ZNF362: variants seen among roughly 807,000 people sequenced by gnomAD.
ZNF362 encodes the protein rotund homolog.
In ZNF362, 11 loss-of-function variants were observed where a neutral mutation model predicts 42.9. The observed-to-expected ratio is 0.26, with a 90% CI of 0.16 to 0.42. The LOEUF (loss-of-function observed/expected upper bound fraction) is 0.42, where lower values mean the gene tolerates loss of function less well. Ranked by LOEUF, ZNF362 falls within the 20% of genes least tolerant of loss-of-function variation. ZNF362 has a pLI of 1.00. For missense variants in ZNF362, 362 were observed against 576.2 expected (o/e 0.63, Z 3.81); for synonymous variants, 255 against 257.3 (o/e 0.99, Z 0.09).
the ZNF362 span, among the ~76,000 whole-genome samples, chr1:33,183,457 C>A: frequency 6.6e-6 from 1 of 152,314 alleles, no homozygotes; most frequent in African/African-American, 2.4e-5. Context: ...TGGGCAGAGC[C>A]CTGATTTTGG....
chr1:33,275,954 A>C lies in ZNF362; in HGVS notation c.39-146A>C, dbSNP rs1645941847. 3.9e-6 allele frequency: 3 copies of C among 771,600 alleles called. No homozygotes were observed. In the East Asian group the frequency reaches 7.9e-5, roughly 20 times the overall value. 47.8% of individuals were successfully genotyped at this position (771,600 alleles called of 1,614,324 possible). A position where few individuals can be genotyped will look rare whatever the true frequency, so the allele number is the denominator to read the frequency against. ...AGATGTGGCTTCCTGGCCTGGTGGG[A>C]GGCCTGCTGTGCTGTGAGGCTGGGG... On this transcript the variant is annotated intron_variant, in intron 2 of 8. Transcript: ENST00000539719.
the ZNF362 span, among the ~76,000 whole-genome samples, chr1:33,237,951 T>C: frequency 1.3e-5 from 2 of 152,190 alleles, no homozygotes; most frequent in East Asian, 1.9e-4. Flanking sequence ...TAACACAGGA[T>C]TGATAGTTGT....
intron 4 of ZNF362, among the ~76,000 whole-genome samples, chr1:33,276,805 C>A (rs556733896): frequency 6.6e-6 from 1 of 152,230 alleles, no homozygotes; most frequent in Admixed American, 6.5e-5. Flanking sequence ...GGACCCTTCT[C>A]CCCCCAGTGG....
chr1:33,164,955 A>AT, the ZNF362 span: 267 of 124,838 alleles, frequency 2.1e-3, 1 homozygote, highest in African/African-American at 5.9e-3. Context: ...GCTATATTCA[A>AT]TTTTTTTTTT....
At chr1:33,235,029 G>C in the ZNF362 span, among the ~76,000 whole-genome samples, 3 of 152,198 alleles carry the variant, frequency 2.0e-5, no homozygotes, top group South Asian at 6.2e-4. Context: ...GATTTAAGAT[G>C]CTTGACTCTC....
the ZNF362 span, among the ~76,000 whole-genome samples, chr1:33,162,054 T>C: frequency 1.3e-5 from 2 of 152,106 alleles, no homozygotes. Flanking sequence ...CCCTCTGGGG[T>C]CCCACAGGTC....
At chr1:33,199,199 A>C in the ZNF362 span, among the ~76,000 whole-genome samples, 1 of 152,194 alleles carries the variant, frequency 6.6e-6, no homozygotes, top group Non-Finnish European at 1.5e-5. Flanking sequence ...CACAAGAAAC[A>C]TAAAGAAAAA....
the ZNF362 span, among the ~76,000 whole-genome samples, chr1:33,167,735 C>G: frequency 6.6e-6 from 1 of 152,202 alleles, no homozygotes. The surrounding 1 kb of genome is among the most constrained non-coding windows in gnomAD (Gnocchi z 4.2). Context: ...TTCAGCTTGT[C>G]AGACCAGGGA....
chr1:33,206,277 A>C, the ZNF362 span, among the ~76,000 whole-genome samples: 1 of 152,146 alleles, frequency 6.6e-6, no homozygotes, highest in Non-Finnish European at 1.5e-5. Context: ...CAACATAAAA[A>C]TATAAAACTT....
chr1:33,241,094 C>T, the ZNF362 span, among the ~76,000 whole-genome samples: 1 of 148,850 alleles, frequency 6.7e-6, no homozygotes, highest in Non-Finnish European at 1.5e-5. Context: ...TTCCCCCGCC[C>T]CGCCCCACTC....
At chr1:33,257,366 G>A (rs1645800620) in intron 1 of ZNF362, among the ~76,000 whole-genome samples, 1 of 150,314 alleles carries the variant, frequency 6.7e-6, no homozygotes, top group South Asian at 2.1e-4. Context: ...GGGGAGGGCT[G>A]GGAATTTAAA....
upstream of ZNF362, among the ~76,000 whole-genome samples, chr1:33,252,807 G>C (rs1418713746): frequency 6.6e-6 from 1 of 152,156 alleles, no homozygotes; most frequent in Non-Finnish European, 1.5e-5. Flanking sequence ...ACAATAGTTA[G>C]AATACAATTA....
intron 1 of ZNF362, among the ~76,000 whole-genome samples, chr1:33,268,603 GC>G (rs2148076225): frequency 6.6e-6 from 1 of 152,298 alleles, no homozygotes; most frequent in African/African-American, 2.4e-5. Flanking sequence ...GGAAGAGGTG[GC>G]CTGTAAGCTG....
the ZNF362 span, among the ~76,000 whole-genome samples, chr1:33,153,905 C>G: frequency 6.6e-6 from 1 of 152,338 alleles, no homozygotes; most frequent in African/African-American, 2.4e-5. Context: ...CCCTGACCCT[C>G]ACAGTTCACA....
the ZNF362 span, chr1:33,158,140 C>A: frequency 1.1e-6 from 1 of 919,612 alleles, no homozygotes; most frequent in Non-Finnish European, 1.7e-6. Context: ...AGGTGCTCAG[C>A]AAGGCACTCT....
At chr1:33,273,035 T>G (rs1450144668) in intron 2 of ZNF362, among the ~76,000 whole-genome samples, 2 of 152,368 alleles carry the variant, frequency 1.3e-5, no homozygotes, top group Non-Finnish European at 2.9e-5. Context: ...GCCCTGGCTG[T>G]CTTACCCCTT....
At chr1:33,229,111 G>A in the ZNF362 span, among the ~76,000 whole-genome samples, 1 of 152,064 alleles carries the variant, frequency 6.6e-6, no homozygotes, top group Non-Finnish European at 1.5e-5. Flanking sequence ...GGAAGGTTGG[G>A]GGTGGGGGTG....
chr1:33,199,717 AG>A, the ZNF362 span: 5 of 152,260 alleles, frequency 3.3e-5, no homozygotes, highest in Admixed American at 1.3e-4. Flanking sequence ...TGGGGTTATA[AG>A]TAAAAGTAAA....
chr1:33,215,372 AG>A, the ZNF362 span, among the ~76,000 whole-genome samples: 2 of 151,608 alleles, frequency 1.3e-5, no homozygotes, highest in Non-Finnish European at 2.9e-5. Flanking sequence ...AGGGTGGGGT[AG>A]GGGAGAATGG....
Sources: allele counts gnomAD v4.1 joint callset (sites outside exome capture counted in the v4.1 genomes callset), GRCh38; gene constraint gnomAD v4.1.1; non-coding constraint Gnocchi (gnomAD v3.1); transcripts MANE v1.5; gene names NCBI Gene and HGNC (gene_info 2026-07-23, HGNC 2026-07-21).